The following SYT12 variants were observed in gnomAD, a reference collection of about 807,000 sequenced individuals.
SYT12 encodes synaptotagmin-12.
A neutral mutation model predicts 39.5 loss-of-function variants in SYT12; 27 were observed. That is an observed-to-expected ratio of 0.68 (90% CI 0.50 to 0.94). The LOEUF (loss-of-function observed/expected upper bound fraction) is 0.94, where lower values mean the gene tolerates loss of function less well. Among genes scored for constraint, SYT12 ranks in the 40% least tolerant of loss-of-function variants. SYT12 has a pLI of 0.00. For synonymous variants in SYT12, 233 were observed against 239.7 expected (o/e 0.97, Z 0.26); for missense variants, 536 against 572.6 (o/e 0.94, Z 0.65).
At position 67,034,724 on chromosome 11, in the gene SYT12, C is replaced by G. The variant is rs767536054; in HGVS notation, c.114C>G (p.Ser38Arg). Reference protein sequence around the residue: ...ALALLGIAAVSLWKLWTSGSF... With the variant: ...ALALLGIAAVRLWKLWTSGSF... ...CCCTGCTGGGAATCGCAGCTGTGAGCCTGTGGAAGCTCTGGACGTCGGGGA... is the reference window on the plus strand; with the variant it reads ...CCCTGCTGGGAATCGCAGCTGTGAGGCTGTGGAAGCTCTGGACGTCGGGGA... Residue 38 changes from serine to arginine, a missense_variant, in exon 3 of 8, where the codon AGC (serine) becomes AGG (arginine). Coordinates refer to ENST00000527043, the MANE Select transcript of SYT12 (RefSeq NM_177963.4). The G allele has an allele frequency of 8.1e-6, 13 of 1,602,506 alleles. No individual in the cohort carries two copies. The highest frequency in any genetic ancestry group is 1.1e-5 in the Non-Finnish European group (13 of 1,175,686).
chr11:67,023,117 C>G (rs1226059611), upstream of SYT12, among the ~76,000 whole-genome samples: 1 of 152,182 alleles, frequency 6.6e-6, no homozygotes, highest in Non-Finnish European at 1.5e-5. Context: ...GTCCCTGGAT[C>G]CCGGACGCGC....
At chr11:67,012,370 C>T (rs1309862337) in intron 3 of SYT12, among the ~76,000 whole-genome samples, 4 of 151,894 alleles carry the variant, frequency 2.6e-5, no homozygotes, top group Admixed American at 6.6e-5. Flanking sequence ...GGCTCCATCT[C>T]AAAAAATTTT....
chr11:67,036,616 C>T (rs762897961), intron 3 of SYT12, among the ~76,000 whole-genome samples: 9 of 152,106 alleles, frequency 5.9e-5, no homozygotes, highest in East Asian at 3.9e-4. Flanking sequence ...CTATCTCACA[C>T]GCTGTTGGGG....
chr11:67,040,177 G>T lies in SYT12; in HGVS notation c.595G>T (p.Asp199Tyr), dbSNP rs1950482901. 6.3e-7 allele frequency: 1 copy of T among 1,587,284 alleles called. No individual in the cohort carries two copies. The highest frequency in any genetic ancestry group is 8.6e-7 in the Non-Finnish European group (1 of 1,163,478). Residue 199 changes from aspartate to tyrosine, a missense_variant, in exon 4 of 8, where the codon GAC becomes TAC. Asp to Tyr is a radical substitution (Grantham distance 160). Transcript: ENST00000527043. ...CTTCATGCGCGTCAGCCTGCTGCCGGACGAGCAGATCGTGGGCATTTCTCG... is the reference window on the plus strand; with the variant it reads ...CTTCATGCGCGTCAGCCTGCTGCCGTACGAGCAGATCGTGGGCATTTCTCG... Reference protein sequence around the residue: ...SCFMRVSLLPDEQIVGISRIQ... With the variant: ...SCFMRVSLLPYEQIVGISRIQ...
intron 3 of SYT12, among the ~76,000 whole-genome samples, chr11:67,014,594 G>A (rs1262115283): frequency 6.6e-6 from 1 of 152,228 alleles, no homozygotes; most frequent in Non-Finnish European, 1.5e-5. Flanking sequence ...TGGGAGCTTG[G>A]GGCCTTGTGG....
Position 67,044,442 on chromosome 11 carries a change from G to A in SYT12, c.838-151G>A, listed in dbSNP as rs1950571609. On this transcript the variant is annotated intron_variant, in intron 5 of 7. Transcript: ENST00000527043. Reference sequence around the variant, plus strand: ...CTGTCCCTTTCTCCAGGCTGTCCCTGCCTGCCTGGAGCCCTGTGGTAAGGG... The same window carrying A: ...CTGTCCCTTTCTCCAGGCTGTCCCTACCTGCCTGGAGCCCTGTGGTAAGGG... The A allele has an allele frequency of 2.9e-6, 3 of 1,029,112 alleles. No individual in the cohort carries two copies. In the South Asian group the frequency reaches 5.6e-5, roughly 19 times the overall value. 63.7% of individuals were successfully genotyped at this position (1,029,112 alleles called of 1,614,324 possible).
intron 3 of SYT12, among the ~76,000 whole-genome samples, chr11:67,038,403 G>A (rs1950428582): frequency 6.6e-6 from 1 of 151,696 alleles, no homozygotes; most frequent in African/African-American, 2.4e-5. Flanking sequence ...GACCTCAGGC[G>A]ATCCGCCACC....
intron 5 of SYT12, 90 bp from the exon 6 acceptor site, chr11:67,044,503 G>A (rs1436237611): frequency 1.3e-6 from 2 of 1,529,636 alleles, no homozygotes; most frequent in East Asian, 2.3e-5. Context: ...GGAGAAGGAA[G>A]CCCCAGCCTT....
Position 67,048,670 on chromosome 11 carries a change from C to T in SYT12, c.1179C>T (p.Ala393=), listed in dbSNP as rs893588617. 1.7e-5 allele frequency: 27 copies of T among 1,612,902 alleles called. No individual in the cohort carries two copies. Among genetic ancestry groups the T allele is most frequent in the Non-Finnish European group, 2.1e-5 (25 of 1,179,262 alleles). The stretch of plus-strand genomic sequence containing the variant: ...GCCATGTCATCATTGGGCCGTCAGC[C>T]AGTGGCATGGGAACCACACATTGGA... The part of the protein sequence containing the change: ...NVGHVIIGPS[A]SGMGTTHWNQ... Residue 393 remains alanine (A), a synonymous_variant, in exon 8 of 8, where the codon GCC becomes GCT. Coordinates refer to ENST00000527043, the MANE Select transcript of SYT12 (RefSeq NM_177963.4).
chr11:67,045,979 G>A (rs543835684), intron 7 of SYT12, 102 bp downstream of exon 7: 14 of 1,482,506 alleles, frequency 9.4e-6, no homozygotes, highest in Non-Finnish European at 1.3e-5. Context: ...AGGGGTAGTG[G>A]TTTGCCTCCA....
At chr11:67,011,821 A>C (rs1950015336) in intron 3 of SYT12, among the ~76,000 whole-genome samples, 1 of 151,718 alleles carries the variant, frequency 6.6e-6, no homozygotes, top group African/African-American at 2.4e-5. Context: ...GCTGGAGTGC[A>C]GTGGCACAAT....
intron 4 of SYT12, among the ~76,000 whole-genome samples, chr11:67,041,495 T>A (rs185152943): frequency 4.1e-4 from 63 of 152,170 alleles, no homozygotes; most frequent in African/African-American, 1.5e-3. Flanking sequence ...AATAAATAAA[T>A]TTTAAAAATG....
At chr11:67,024,297 G>A (rs981871485) in intron 1 of SYT12, among the ~76,000 whole-genome samples, 1 of 152,232 alleles carries the variant, frequency 6.6e-6, no homozygotes, top group African/African-American at 2.4e-5. Flanking sequence ...CTTCCTATTA[G>A]AAATGGGGAA....
chr11:67,029,849 C>T (rs1409593202), intron 1 of SYT12: 1 of 382,490 alleles, frequency 2.6e-6, no homozygotes. Context: ...GAGACTCCAT[C>T]TGAAAAAACA....
At chr11:67,038,350 A>G (rs1950427020) in intron 3 of SYT12, among the ~76,000 whole-genome samples, 1 of 151,892 alleles carries the variant, frequency 6.6e-6, no homozygotes, top group Non-Finnish European at 1.5e-5. Context: ...TAGTTTTAGT[A>G]GAGACGGTTT....
chr11:67,043,584 C>T, intron 4 of SYT12, 54 bp from the exon 5 acceptor site: 1 of 1,567,748 alleles, frequency 6.4e-7, no homozygotes, highest in Non-Finnish European at 8.8e-7. Flanking sequence ...AGTGCTGTCT[C>T]CCTGCTGTGG....
chr11:67,048,700 G>C lies in SYT12; in HGVS notation c.1209G>C (p.Gln403His). 6 of 1,611,864 alleles carry C rather than the reference G, an allele frequency of 3.7e-6. No homozygotes were observed. The change falls in exon 8 of 8, where the codon CAG becomes CAC. Residue 403 changes from glutamine (Q) to histidine (H), a missense_variant. Gln to His is a conservative substitution (Grantham distance 24). Coordinates refer to ENST00000527043, the MANE Select transcript of SYT12 (RefSeq NM_177963.4). ...ASGMGTTHWNQMLATLRRPVS... is the reference protein window; with the variant it reads ...ASGMGTTHWNHMLATLRRPVS... ...GCATGGGAACCACACATTGGAACCA[G>C]ATGTTGGCCACGCTGCGCAGGCCCG... is the stretch of plus-strand genomic sequence containing the variant.
Position 67,045,833 on chromosome 11 carries a change from T to C in SYT12, c.1048T>C (p.Phe350Leu), listed in dbSNP as rs553903906. The change falls in exon 7 of 8, where the codon TTC becomes CTC. Residue 350 changes from phenylalanine to leucine, a missense_variant. Phe to Leu is a conservative substitution (Grantham distance 22). Transcript: ENST00000527043. ...GAAGAGGGATGACCCCAACCCGGTG[T>C]TCAACGAAGCCATGATCTTCTCGGT... ...AVKRDDPNPVFNEAMIFSVPA... is the reference protein window; with the variant it reads ...AVKRDDPNPVLNEAMIFSVPA... 5.0e-6 allele frequency: 8 copies of C among 1,613,692 alleles called. No homozygotes were observed. In the South Asian group the frequency reaches 8.8e-5, roughly 18 times the overall value.
At chr11:67,035,968 G>A (rs1180600008) in intron 3 of SYT12, among the ~76,000 whole-genome samples, 1 of 145,952 alleles carries the variant, frequency 6.9e-6, no homozygotes, top group Non-Finnish European at 1.5e-5. Context: ...AGGCTGGAGT[G>A]CTCTGGCACA....
Sources: gnomAD v4.1 joint callset for allele counts (sites outside exome capture counted in the v4.1 genomes callset) on GRCh38, gnomAD v4.1.1 for gene constraint, MANE v1.5 for transcripts, NCBI Gene and HGNC (gene_info 2026-07-23, HGNC 2026-07-21) for gene names.